The following PAPPA2 variants were observed in gnomAD, a reference collection of about 807,000 sequenced individuals.
PAPPA2 encodes pappalysin 2.
A neutral mutation model predicts 176.4 loss-of-function variants in PAPPA2; 86 were observed. The ratio of observed to expected loss-of-function variants is 0.49; its 90% CI spans 0.41 to 0.58. The LOEUF (loss-of-function observed/expected upper bound fraction) is 0.58. PAPPA2 is among the 20% of genes least tolerant of loss of function. The pLI, the probability that PAPPA2 is intolerant of heterozygous loss-of-function variation, is 0.00. For synonymous variants in PAPPA2, 809 were observed against 852.2 expected, an observed-to-expected ratio of 0.95 and a Z score of 0.88; for missense variants, 2,073 against 2,256.9, an observed-to-expected ratio of 0.92 and a Z score of 1.65.
chr1:176,810,962 G>A (rs1666122713), intron 21 of PAPPA2, among the ~76,000 whole-genome samples: 1 of 152,144 alleles, frequency 6.6e-6, no homozygotes, highest in South Asian at 2.1e-4. Context: ...GCTTCATAAT[G>A]AAACCTGTTC....
chr1:176,699,196 C>T lies in PAPPA2; in HGVS notation c.2843C>T (p.Thr948Ile). 2 of 1,614,172 alleles carry T rather than the reference C, an allele frequency of 1.2e-6. No homozygotes were observed. The highest frequency in any genetic ancestry group is 1.7e-6 in the Non-Finnish European group (2 of 1,180,022). Residue 948 changes from threonine to isoleucine, a missense_variant, in exon 8 of 23, where the codon ACA (threonine) becomes ATA (isoleucine). Around this residue, in one of 4 missense-constraint regions of PAPPA2, gnomAD observed 1,196 missense variants for 1,330.4 expected, o/e 0.90. Coordinates refer to ENST00000367662, the MANE Select transcript of PAPPA2 (RefSeq NM_020318.3). Reference sequence around the variant, plus strand: ...ATGAACATGACGGTCCCCTGCCCCACAGAAGGCTGTAGCTTGGAGCTGCTC... The same window carrying T: ...ATGAACATGACGGTCCCCTGCCCCATAGAAGGCTGTAGCTTGGAGCTGCTC... ...YHMNMTVPCP[T>I]EGCSLELLFQ...
Position 176,699,184 on chromosome 1 carries a change from T to C in PAPPA2, c.2831T>C (p.Val944Ala). ...CACCTGTACCACATGAACATGACGG[T>C]CCCCTGCCCCACAGAAGGCTGTAGC... ...EVHLYHMNMTVPCPTEGCSLE... is the reference protein window; with the variant it reads ...EVHLYHMNMTAPCPTEGCSLE... Residue 944 changes from valine (V) to alanine (A), a missense_variant, in exon 8 of 23, where the codon GTC becomes GCC. Transcript: ENST00000367662. 6.2e-7 allele frequency: 1 copy of C among 1,614,046 alleles called. No homozygotes were observed. The highest frequency in any genetic ancestry group is 8.5e-7 in the Non-Finnish European group (1 of 1,179,998).
In PAPPA2 at chr1:176,557,150, A is replaced by C. The variant is rs371296634; in HGVS notation, c.828A>C (p.Pro276=). ...SGRRERLLLR[P]EVLAEIPREA... is the part of the protein sequence containing the mutation. ...GGCGGGAGCGGCTGCTGCTGCGTCC[A>C]GAAGTGCTGGCTGAGATTCCCCGGG... Residue 276 remains proline (P), a synonymous_variant, in exon 2 of 23, where the codon CCA becomes CCC. Transcript: ENST00000367662. The C allele has an allele frequency of 1.9e-6, 3 of 1,613,984 alleles. No homozygotes were observed. The highest frequency in any genetic ancestry group is 1.7e-6 in the Non-Finnish European group (2 of 1,180,018).
chr1:176,479,198 G>A (rs995256980), intron 1 of PAPPA2, among the ~76,000 whole-genome samples: 1 of 152,134 alleles, frequency 6.6e-6, no homozygotes, highest in African/African-American at 2.4e-5. Context: ...TTTTCCCAAG[G>A]CCACACAACT....
intron 2 of PAPPA2, among the ~76,000 whole-genome samples, chr1:176,561,502 A>G (rs1042929141): frequency 1.3e-5 from 2 of 152,204 alleles, no homozygotes; most frequent in African/African-American, 2.4e-5. Context: ...GCTAGATTGT[A>G]AAATGAGAAT....
intron 17 of PAPPA2, among the ~76,000 whole-genome samples, chr1:176,774,081 C>T (rs1451218280): frequency 6.6e-6 from 1 of 152,166 alleles, no homozygotes; most frequent in Non-Finnish European, 1.5e-5. Flanking sequence ...AACTCTTCTT[C>T]CTTGATTCTC....
Position 176,771,287 on chromosome 1 carries a change from T to C in PAPPA2, c.4715+107T>C, listed in dbSNP as rs1289136779. 3.4e-6 allele frequency: 4 copies of C among 1,178,892 alleles called. No homozygotes were observed. In the Admixed American group the frequency reaches 8.2e-5, roughly 24 times the overall value. 73.0% of individuals were successfully genotyped at this position (1,178,892 alleles called of 1,614,324 possible). A position where few individuals can be genotyped will look rare whatever the true frequency, so the allele number is the denominator to read the frequency against. On this transcript the variant is annotated intron_variant, in intron 17 of 22. Coordinates refer to ENST00000367662, the MANE Select transcript of PAPPA2 (RefSeq NM_020318.3). ...CCTGCAGGGCTATATTCTCCAGTCA[T>C]GACAGGCAGGCAACCTGCTGTGCTT...
intron 14 of PAPPA2, 61 bp downstream of exon 14, chr1:176,740,257 A>C: frequency 6.7e-7 from 1 of 1,484,500 alleles, no homozygotes; most frequent in African/African-American, 1.4e-5. Flanking sequence ...ATTGGCTCAC[A>C]TTTACATAGT....
chr1:176,557,659 T>G (rs771051194), intron 2 of PAPPA2, among the ~76,000 whole-genome samples: 1 of 152,058 alleles, frequency 6.6e-6, no homozygotes, highest in Non-Finnish European at 1.5e-5. Flanking sequence ...GAGCAATGAG[T>G]CATGCCTGGG....
intron 12 of PAPPA2, 99 bp from the exon 13 acceptor site, chr1:176,739,527 A>G (rs1348809473): frequency 5.3e-6 from 7 of 1,316,806 alleles, no homozygotes; most frequent in Non-Finnish European, 7.2e-6. Flanking sequence ...CTCTTACTTT[A>G]TAAATAGTGA....
chr1:176,783,882 A>G (rs1664820809), intron 17 of PAPPA2, among the ~76,000 whole-genome samples: 1 of 152,224 alleles, frequency 6.6e-6, no homozygotes, highest in Non-Finnish European at 1.5e-5. Flanking sequence ...TTAAAGATAC[A>G]GAATCCTGGG....
intron 2 of PAPPA2, among the ~76,000 whole-genome samples, chr1:176,567,933 A>G (rs189436816): frequency 1.3e-5 from 2 of 152,358 alleles, no homozygotes; most frequent in Admixed American, 6.5e-5. Context: ...AAGTAGGTGC[A>G]TTGGATTTAG....
At chr1:176,746,799 T>C (rs767067695) in intron 14 of PAPPA2, among the ~76,000 whole-genome samples, 48 of 152,164 alleles carry the variant, frequency 3.2e-4, no homozygotes, top group Non-Finnish European at 6.5e-4. Context: ...TAATATAAAA[T>C]TGAATAAGAT....
chr1:176,643,408 TTTC>T (rs1445478206), intron 3 of PAPPA2, among the ~76,000 whole-genome samples: 1 of 151,718 alleles, frequency 6.6e-6, no homozygotes, highest in Non-Finnish European at 1.5e-5. Context: ...TCTCTTGCAT[TTTC>T]TTCTTCTGTT....
intron 3 of PAPPA2, among the ~76,000 whole-genome samples, chr1:176,608,211 T>A (rs1654719874): frequency 6.6e-6 from 1 of 152,200 alleles, no homozygotes; most frequent in Admixed American, 6.5e-5. Flanking sequence ...TTTAAAAATA[T>A]TTTACATCAG....
chr1:176,479,625 G>C (rs917297675), intron 1 of PAPPA2, among the ~76,000 whole-genome samples: 2 of 152,180 alleles, frequency 1.3e-5, no homozygotes, highest in African/African-American at 4.8e-5. Flanking sequence ...GACTGGCTTA[G>C]AGAAATGTAA....
At chr1:176,804,172 T>A (rs72718613) in intron 21 of PAPPA2, among the ~76,000 whole-genome samples, 1 of 152,148 alleles carries the variant, frequency 6.6e-6, no homozygotes, top group East Asian at 1.9e-4. Flanking sequence ...ATAAATCTTA[T>A]CTATTTCATT....
intron 1 of PAPPA2, among the ~76,000 whole-genome samples, chr1:176,482,745 A>T (rs753975642): frequency 2.0e-5 from 3 of 152,130 alleles, no homozygotes; most frequent in Non-Finnish European, 4.4e-5. Flanking sequence ...TCAGTAGGGA[A>T]ATAATTCCTC....
At chr1:176,549,751 T>G (rs1391234014) in intron 1 of PAPPA2, among the ~76,000 whole-genome samples, 1 of 152,120 alleles carries the variant, frequency 6.6e-6, no homozygotes, top group African/African-American at 2.4e-5. Flanking sequence ...CACACAATCT[T>G]TTGGTCTTTG....
Sources: allele counts gnomAD v4.1 joint callset (sites outside exome capture counted in the v4.1 genomes callset), GRCh38; gene constraint gnomAD v4.1.1; regional missense constraint gnomAD v4.1.1; transcripts MANE v1.5; gene names NCBI Gene and HGNC (gene_info 2026-07-23, HGNC 2026-07-21).